The following SYT4 variants were observed in gnomAD, a reference collection of about 807,000 sequenced individuals.
SYT4 encodes the protein synaptotagmin 4.
Under a neutral mutation model 32.9 loss-of-function variants are expected in SYT4, and 7 were observed. The ratio of observed to expected loss-of-function variants is 0.21; its 90% confidence interval spans 0.12 to 0.40. The LOEUF (loss-of-function observed/expected upper bound fraction) is 0.40, where lower values mean the gene tolerates loss of function less well. Among genes scored for constraint, SYT4 ranks in the 10% least tolerant of loss-of-function variants. The probability of loss-of-function intolerance (pLI) is 1.00; values close to 1 mark genes in which losing one functional copy is unlikely to be tolerated. For synonymous variants in SYT4, 205 were observed against 186.2 expected, an observed-to-expected ratio of 1.10 and a Z score of -0.82; for missense variants, 480 against 488.0, an observed-to-expected ratio of 0.98 and a Z score of 0.16.
intron 3 of SYT4, among the ~76,000 whole-genome samples, chr18:43,271,070 T>A (rs188567708): frequency 6.6e-6 from 1 of 152,268 alleles, no homozygotes; most frequent in Admixed American, 6.5e-5. Context: ...TGGCTGTGTT[T>A]TCCATCGAAT....
chr18:43,270,746 A>T (rs1908605123), intron 3 of SYT4, 98 bp from the exon 4 acceptor site: 2 of 1,304,408 alleles, frequency 1.5e-6, no homozygotes, highest in Non-Finnish European at 2.1e-6. Flanking sequence ...TGCCAATGAC[A>T]TGTGGTTACC....
At chr18:43,276,288 G>A (rs879563759) in intron 1 of SYT4, among the ~76,000 whole-genome samples, 2 of 152,066 alleles carry the variant, frequency 1.3e-5, no homozygotes, top group African/African-American at 2.4e-5. Flanking sequence ...ATTCTCTACT[G>A]ATAAGGTCTT....
At position 43,270,300 on chromosome 18, in the gene SYT4, GC is replaced by G. The variant is rs1330501114; in HGVS notation, c.*40del. The G allele has an allele frequency of 1.3e-6, 2 of 1,577,270 alleles. No individual in the cohort carries two copies. Among genetic ancestry groups the G allele is most frequent in the African/African-American group, 2.7e-5 (2 of 73,290 alleles). On this transcript the variant is annotated 3_prime_UTR_variant, in exon 4 of 4. Transcript: ENST00000255224. ...ATAGAAAGAAAGAAAATTTCTCCTT[GC>G]CTAGTAAAAACCTTTAAGTTCCAAC...
rs1908579070 is a variant in SYT4, at chr18:43,270,084, C to A, written c.*257G>T. 2.2e-6 allele frequency: 1 copy of A among 458,140 alleles called. No individual in the cohort carries two copies. 28.4% of individuals were successfully genotyped at this position (458,140 alleles called of 1,614,324 possible). A position where few individuals can be genotyped will look rare whatever the true frequency, so the allele number is the denominator to read the frequency against. On this transcript the variant is annotated 3_prime_UTR_variant, in exon 4 of 4. Coordinates refer to ENST00000255224, the MANE Select transcript of SYT4 (RefSeq NM_020783.4). ...AGTATTCATAAAATGTCTGACTATT[C>A]CTAGTTATATCACTGGTAATCTGAA...
intron 1 of SYT4, among the ~76,000 whole-genome samples, chr18:43,274,805 A>G (rs1908742943): frequency 6.6e-6 from 1 of 152,142 alleles, no homozygotes; most frequent in African/African-American, 2.4e-5. Flanking sequence ...TTTTACTGGA[A>G]TTCTAAGTAG....
intron 2 of SYT4, among the ~76,000 whole-genome samples, chr18:43,272,475 AG>A: frequency 6.6e-6 from 1 of 152,294 alleles, no homozygotes; most frequent in South Asian, 2.1e-4. Flanking sequence ...ACAGTGTCAT[AG>A]CGTCCTTCTT....
rs1194916739 is a variant in SYT4, at chr18:43,269,534, T to C, written c.*807A>G. 6.6e-6 allele frequency: 1 copy of C among 152,610 alleles called. No homozygotes were observed. The highest frequency in any genetic ancestry group is 2.4e-5 in the African/African-American group (1 of 41,454). 9.5% of individuals were successfully genotyped at this position (152,610 alleles called of 1,614,324 possible). A position where few individuals can be genotyped will look rare whatever the true frequency, so the allele number is the denominator to read the frequency against. ...GAAGTTTATTTCTTTATTCACTAAC[T>C]AATTCAACAATTTCACAAAGGTACA... On this transcript the variant is annotated 3_prime_UTR_variant, in exon 4 of 4. Coordinates refer to ENST00000255224, the MANE Select transcript of SYT4 (RefSeq NM_020783.4).
At chr18:43,272,971 G>C (rs1346935407) in intron 2 of SYT4, among the ~76,000 whole-genome samples, 1 of 147,060 alleles carries the variant, frequency 6.8e-6, no homozygotes, top group Non-Finnish European at 1.5e-5. Context: ...AGTGAAAATG[G>C]GGTTAAATTT....
At chr18:43,274,512 C>T in intron 1 of SYT4, 118 bp from the exon 2 acceptor site, 1 of 781,622 alleles carries the variant, frequency 1.3e-6, no homozygotes, top group South Asian at 2.2e-5. Flanking sequence ...AATTACTTTC[C>T]AACTGTTCTG....
At position 43,269,511 on chromosome 18, in the gene SYT4, A is replaced by G. The variant is rs145779608; in HGVS notation, c.*830T>C. 9.8e-5 allele frequency: 15 copies of G among 152,696 alleles called. No individual in the cohort carries two copies. In the East Asian group the frequency reaches 2.5e-3, roughly 26 times the overall value. The allele number at this position is 152,696 out of a possible 1,614,324, so 9.5% of individuals were successfully genotyped here. ...CACTTCTAACTGGATTTCTAGTTGA[A>G]GTTTATTTCTTTATTCACTAACTAA... is the stretch of plus-strand genomic sequence containing the variant. On this transcript the variant is annotated 3_prime_UTR_variant, in exon 4 of 4. Coordinates refer to ENST00000255224, the MANE Select transcript of SYT4 (RefSeq NM_020783.4).
In SYT4 at chr18:43,271,699, G is replaced by A. The variant is rs1259750694; in HGVS notation, c.970+13C>T. The A allele has an allele frequency of 6.2e-7, 1 of 1,612,048 alleles. No individual in the cohort carries two copies. Among genetic ancestry groups the A allele is most frequent in the South Asian group, 1.1e-5 (1 of 91,000 alleles). On this transcript the variant is annotated intron_variant, in intron 3 of 3. Transcript: ENST00000255224. ...TCATACAGTGAATCTGAATATTTCA[G>A]AAGCATTCTTACCTGAAAGTCCGGA... is the stretch of plus-strand genomic sequence containing the variant.
chr18:43,277,467 C>T lies in SYT4; in HGVS notation c.-186G>A. On this transcript the variant is annotated 5_prime_UTR_variant, in exon 1 of 4. Transcript: ENST00000255224. The stretch of plus-strand genomic sequence containing the variant: ...TCGCCCTCGCACAGTGATTTGCCAC[C>T]TCGGTTCCTGTTTTGGCTCTTCTGA... The T allele has an allele frequency of 1.6e-6, 1 of 620,384 alleles. No individual in the cohort carries two copies. Among genetic ancestry groups the T allele is most frequent in the Non-Finnish European group, 2.8e-6 (1 of 358,414 alleles). The allele number at this position is 620,384 out of a possible 1,614,324, so 38.4% of individuals were successfully genotyped here. A position where few individuals can be genotyped will look rare whatever the true frequency, so the allele number is the denominator to read the frequency against.
In SYT4 at chr18:43,277,367, G is replaced by A; in HGVS notation, c.-86C>T. 1 of 1,567,160 alleles carries A rather than the reference G, an allele frequency of 6.4e-7. No individual in the cohort carries two copies. The highest frequency in any genetic ancestry group is 1.1e-5 in the South Asian group (1 of 89,766). On this transcript the variant is annotated 5_prime_UTR_variant, in exon 1 of 4. Transcript: ENST00000255224. ...CCTGGATCTCAAGCGCCGGCTTTCG[G>A]AGCGCTGAAAACAACAGCGCAGAGC...
At chr18:43,273,346 A>G (rs535085469) in intron 2 of SYT4, among the ~76,000 whole-genome samples, 2 of 152,310 alleles carry the variant, frequency 1.3e-5, no homozygotes, top group East Asian at 1.9e-4. Context: ...CTAAATATCC[A>G]TAAAGAATGC....
At position 43,273,629 on chromosome 18, in the gene SYT4, GATA is replaced by G; in HGVS notation, c.797_799del (p.Leu266del). ...TCTATTCATTAACATTTTTCCTTCAGATAATTCAATTCCCGAGAGAGGAATTAG... is the reference window on the plus strand; with the variant it reads ...TCTATTCATTAACATTTTTCCTTCAGATTCAATTCCCGAGAGAGGAATTAG... On this transcript the variant is annotated inframe_deletion, in exon 2 of 4. Coordinates refer to ENST00000255224, the MANE Select transcript of SYT4 (RefSeq NM_020783.4). The G allele has an allele frequency of 6.2e-7, 1 of 1,613,402 alleles. No individual in the cohort carries two copies. Among genetic ancestry groups the G allele is most frequent in the Non-Finnish European group, 8.5e-7 (1 of 1,179,708 alleles).
In SYT4 at chr18:43,277,119, T is replaced by C. The variant is rs1227203253; in HGVS notation, c.34+129A>G. On this transcript the variant is annotated intron_variant, in intron 1 of 3. Coordinates refer to ENST00000255224, the MANE Select transcript of SYT4 (RefSeq NM_020783.4). ...AGCCACAATTGCCTGACTGCCATTC[T>C]CATTTTCCTTTTAAATTAACTACCT... The C allele has an allele frequency of 9.6e-6, 11 of 1,143,740 alleles. No individual in the cohort carries two copies. In the East Asian group the frequency reaches 2.7e-4, roughly 29 times the overall value. 70.8% of individuals were successfully genotyped at this position (1,143,740 alleles called of 1,614,324 possible).
In SYT4 at chr18:43,274,287, T is replaced by G; in HGVS notation, c.142A>C (p.Thr48Pro). 6.2e-7 allele frequency: 1 copy of G among 1,613,666 alleles called. No individual in the cohort carries two copies. Among genetic ancestry groups the G allele is most frequent in the African/African-American group, 1.3e-5 (1 of 74,972 alleles). ...CQRKSSKSNK[T>P]PPYKFVHVLK... ...ACATGCACAAACTTGTATGGAGGAG[T>G]CTTGTTAGACTTGGATGATTTTCTC... The change falls in exon 2 of 4, where the codon ACT becomes CCT. Residue 48 changes from threonine (T) to proline (P), a missense_variant. Thr to Pro is a conservative substitution (Grantham distance 38). Coordinates refer to ENST00000255224, the MANE Select transcript of SYT4 (RefSeq NM_020783.4).
chr18:43,271,685 A>T (rs747019812), intron 3 of SYT4, 27 bp downstream of exon 3: 2 of 1,611,208 alleles, frequency 1.2e-6, no homozygotes, highest in East Asian at 4.5e-5. Context: ...CATACAGTGA[A>T]TCTGAATATT....
rs1205120595 is a variant in SYT4 at position 43,269,770 on chromosome 18, T to A, written c.*571A>T. ...ACTGTCCTTTTGAAATGAATCTGAG[T>A]TACTCTTATGATAAAATTGCATCAA... On this transcript the variant is annotated 3_prime_UTR_variant, in exon 4 of 4. Coordinates refer to ENST00000255224, the MANE Select transcript of SYT4 (RefSeq NM_020783.4). 1 of 153,678 alleles carries A rather than the reference T, an allele frequency of 6.5e-6. No individual in the cohort carries two copies. Among genetic ancestry groups the A allele is most frequent in the Non-Finnish European group, 1.5e-5 (1 of 68,776 alleles). 9.5% of individuals were successfully genotyped at this position (153,678 alleles called of 1,614,324 possible).
Sources: allele counts gnomAD v4.1 joint callset (sites outside exome capture counted in the v4.1 genomes callset), GRCh38; gene constraint gnomAD v4.1.1; transcripts MANE v1.5; gene names NCBI Gene and HGNC (gene_info 2026-07-23, HGNC 2026-07-21).